SBF2: variants seen among roughly 807,000 people sequenced by gnomAD.
The protein encoded by SBF2 is SET binding factor 2.
Under a neutral mutation model 225.2 loss-of-function variants are expected in SBF2, and 112 were observed. That is an observed-to-expected ratio of 0.50 (90% CI 0.43 to 0.58). The LOEUF (loss-of-function observed/expected upper bound fraction) is 0.58. Ranked by LOEUF, SBF2 falls within the 20% of genes least tolerant of loss-of-function variation. SBF2 has a pLI of 0.00. For synonymous variants in SBF2, 763 were observed against 773.3 expected (o/e 0.99, Z 0.22); for missense variants, 1,996 against 2,206.2 (o/e 0.90, Z 1.91).
chr11:10,241,977 G>A (rs571455182), intron 1 of SBF2, among the ~76,000 whole-genome samples: 2 of 151,680 alleles, frequency 1.3e-5, no homozygotes, highest in East Asian at 4.0e-4. Flanking sequence ...CCACCAGACT[G>A]ACCCTACTCC....
intron 1 of SBF2, among the ~76,000 whole-genome samples, chr11:10,265,503 G>A (rs1480663031): frequency 1.4e-5 from 1 of 72,842 alleles, no homozygotes; most frequent in Non-Finnish European, 2.6e-5. Context: ...CGGGGGGGGG[G>A]AGAGGTGGGG....
intron 2 of SBF2, among the ~76,000 whole-genome samples, chr11:10,120,946 G>T (rs888861768): frequency 2.6e-5 from 4 of 151,728 alleles, no homozygotes; most frequent in African/African-American, 9.7e-5. Context: ...TTATATTTTT[G>T]GTAGAGACGA....
At chr11:9,869,300 A>G (rs879465779) in intron 17 of SBF2, among the ~76,000 whole-genome samples, 11 of 152,172 alleles carry the variant, frequency 7.2e-5, no homozygotes, top group Non-Finnish European at 1.5e-4. Context: ...AAATCTATCC[A>G]TAAGAGTTCC....
chr11:10,128,670 G>A (rs545167610), intron 2 of SBF2, among the ~76,000 whole-genome samples: 2 of 152,204 alleles, frequency 1.3e-5, no homozygotes, highest in Admixed American at 1.3e-4. Flanking sequence ...TAAACCTCAA[G>A]GTCCTAAAGA....
chr11:10,088,625 G>A (rs564240288), intron 2 of SBF2, among the ~76,000 whole-genome samples: 7 of 152,302 alleles, frequency 4.6e-5, no homozygotes, highest in Admixed American at 1.3e-4. Flanking sequence ...AAGGGGAGGT[G>A]TCTGGCTCTT....
At chr11:10,301,888 G>A (rs1452934683) in intron 1 of SBF2, among the ~76,000 whole-genome samples, 1 of 152,200 alleles carries the variant, frequency 6.6e-6, no homozygotes, top group Non-Finnish European at 1.5e-5. Context: ...ATGTCAGGAT[G>A]TACACATTTA....
At chr11:10,111,702 C>T (rs547315566) in intron 2 of SBF2, among the ~76,000 whole-genome samples, 15 of 152,226 alleles carry the variant, frequency 9.9e-5, no homozygotes, top group African/African-American at 7.2e-5. Flanking sequence ...ATGGCAAAAC[C>T]GCATCTCTAC....
At chr11:10,109,293 T>C (rs1952725371) in intron 2 of SBF2, among the ~76,000 whole-genome samples, 1 of 152,150 alleles carries the variant, frequency 6.6e-6, no homozygotes, top group Non-Finnish European at 1.5e-5. Context: ...AAATAATCCT[T>C]GAGAAAGATC....
chr11:9,959,778 G>C, intron 16 of SBF2: 1 of 635,482 alleles, frequency 1.6e-6, no homozygotes, highest in Non-Finnish European at 3.1e-6. Context: ...AGCTTGCTGA[G>C]ATGGTCATGG....
At chr11:9,847,361 TAG>T (rs1856620805) in intron 22 of SBF2, among the ~76,000 whole-genome samples, 1 of 152,114 alleles carries the variant, frequency 6.6e-6, no homozygotes, top group African/African-American at 2.4e-5. Flanking sequence ...TCTGAGAAGT[TAG>T]AGACAAGTGA....
At chr11:10,181,823 GCCATATCATTGATAAA>G (rs1956747267) in intron 2 of SBF2, among the ~76,000 whole-genome samples, 1 of 152,120 alleles carries the variant, frequency 6.6e-6, no homozygotes, top group African/African-American at 2.4e-5. Context: ...AGTAGATACA[GCCATATCATTGATAAA>G]TTTATATTTG....
chr11:9,975,720 C>T lies in SBF2; in HGVS notation c.1396-7175G>A, dbSNP rs142022142. Among the ~76,000 whole-genome samples, 1,486 of 152,210 alleles carry T rather than the reference C, an allele frequency of 9.8e-3. 26 individuals are homozygous for T. The highest frequency in any genetic ancestry group is 0.033 in the African/African-American group (1,389 of 41,518). ...CAATTTGAAGCCTATGCTTTGCGGG[C>T]AGGGCTTCATTTCATCATCATTATC... On this transcript the variant is annotated intron_variant, in intron 13 of 39. Coordinates refer to ENST00000256190, the MANE Select transcript of SBF2 (RefSeq NM_030962.4).
At chr11:9,866,291 C>G (rs973942087) in intron 17 of SBF2, among the ~76,000 whole-genome samples, 1 of 151,482 alleles carries the variant, frequency 6.6e-6, no homozygotes, top group Non-Finnish European at 1.5e-5. Context: ...GAAAAAAAAA[C>G]AAAGCTGGAA....
At chr11:10,001,527 A>ATTTT (rs1231504653) in intron 7 of SBF2, among the ~76,000 whole-genome samples, 1 of 151,770 alleles carries the variant, frequency 6.6e-6, no homozygotes, top group Non-Finnish European at 1.5e-5. Context: ...ATTAAAAATA[A>ATTTT]ATTTTTTTTT....
intron 1 of SBF2, among the ~76,000 whole-genome samples, chr11:10,293,579 G>A (rs1964307748): frequency 1.3e-5 from 2 of 152,220 alleles, no homozygotes; most frequent in South Asian, 2.1e-4. Flanking sequence ...CTTTCGGAGA[G>A]GACAACCCCC....
At chr11:10,262,363 A>C (rs1267410938) in intron 1 of SBF2, among the ~76,000 whole-genome samples, 1 of 152,178 alleles carries the variant, frequency 6.6e-6, no homozygotes, top group Non-Finnish European at 1.5e-5. Flanking sequence ...TTTCATAATC[A>C]AATGTTGTAG....
chr11:9,928,558 A>C (rs537450881), intron 16 of SBF2, among the ~76,000 whole-genome samples: 52 of 152,338 alleles, frequency 3.4e-4, no homozygotes, highest in Middle Eastern at 6.8e-3. Context: ...AAAAAGTTAA[A>C]AGTACACATA....
At chr11:9,974,411 A>G (rs1290757198) in intron 13 of SBF2, among the ~76,000 whole-genome samples, 1 of 152,128 alleles carries the variant, frequency 6.6e-6, no homozygotes, top group African/African-American at 2.4e-5. Context: ...ATGTCTCCAG[A>G]CCAATTTCAT....
intron 6 of SBF2, among the ~76,000 whole-genome samples, chr11:10,024,135 T>C (rs988666074): frequency 6.6e-6 from 1 of 152,216 alleles, no homozygotes; most frequent in African/African-American, 2.4e-5. Flanking sequence ...GGTTAATCTA[T>C]GTTGCGTGTA....
Sources: allele counts gnomAD v4.1 joint callset (sites outside exome capture counted in the v4.1 genomes callset), GRCh38; gene constraint gnomAD v4.1.1; transcripts MANE v1.5; gene names NCBI Gene and HGNC (gene_info 2026-07-23, HGNC 2026-07-21).